MYT1L: variants seen among roughly 807,000 people sequenced by gnomAD.
The protein encoded by MYT1L is myelin transcription factor 1-like protein.
MYT1L carries 12 observed loss-of-function variants against 126.7 expected under a neutral mutation model. The observed-to-expected ratio is 0.09, with a 90% CI of 0.06 to 0.15. The LOEUF (loss-of-function observed/expected upper bound fraction) is 0.15, where lower values mean the gene tolerates loss of function less well. Among genes scored for constraint, MYT1L ranks in the 10% least tolerant of loss-of-function variants. The pLI is 1.00. For synonymous variants in MYT1L, 541 were observed against 604.2 expected (o/e 0.90, Z 1.53); for missense variants, 979 against 1,585.2 (o/e 0.62, Z 6.49).
chr2:1,989,993 G>A (rs767185904), intron 5 of MYT1L, among the ~76,000 whole-genome samples: 9 of 152,074 alleles, frequency 5.9e-5, no homozygotes, highest in South Asian at 4.1e-4. Flanking sequence ...GTGAAACTCC[G>A]TCTCAAAAAA....
At chr2:1,853,477 C>A (rs2043533052) in intron 18 of MYT1L, among the ~76,000 whole-genome samples, 1 of 152,234 alleles carries the variant, frequency 6.6e-6, no homozygotes, top group African/African-American at 2.4e-5. Context: ...AATGACTGAA[C>A]TTAACTAGCT....
chr2:2,100,293 C>A (rs1237512716), intron 3 of MYT1L, among the ~76,000 whole-genome samples: 1 of 152,068 alleles, frequency 6.6e-6, no homozygotes, highest in Non-Finnish European at 1.5e-5. Context: ...GATATAATCA[C>A]CCTTGGCTCT....
chr2:2,309,765 C>T lies in MYT1L; in HGVS notation c.-521+21202G>A, dbSNP rs1048834998. The stretch of plus-strand genomic sequence containing the variant: ...TACATACAACTTCAGTATGCTCTGT[C>T]TATACTCCACCTACACTTTAGTATA... On this transcript the variant is annotated intron_variant, in intron 1 of 24. Transcript: ENST00000647738. Among the ~76,000 whole-genome samples, 8 of 151,926 alleles carry T rather than the reference C, an allele frequency of 5.3e-5. No individual in the cohort carries two copies. The East Asian group carries it at 1.2e-3, about 22-fold the overall frequency.
intron 8 of MYT1L, among the ~76,000 whole-genome samples, chr2:1,946,347 A>G (rs1009626379): frequency 5.2e-4 from 79 of 152,234 alleles, no homozygotes; most frequent in Admixed American, 5.2e-3. Context: ...CAAAAAATAT[A>G]ATGCACTTGA....
At chr2:2,151,414 AC>A (rs1434506296) in intron 3 of MYT1L, among the ~76,000 whole-genome samples, 2 of 152,156 alleles carry the variant, frequency 1.3e-5, no homozygotes, top group Non-Finnish European at 2.9e-5. Context: ...CACCGAGAGT[AC>A]TTTCAGGACT....
chr2:2,027,484 T>A (rs2065768746), intron 4 of MYT1L, among the ~76,000 whole-genome samples: 2 of 152,206 alleles, frequency 1.3e-5, no homozygotes, highest in Admixed American at 1.3e-4. Context: ...GGGGATGATG[T>A]ACTGACCGGA....
chr2:1,810,236 C>T (rs2036387017), intron 21 of MYT1L: 1 of 151,788 alleles, frequency 6.6e-6, no homozygotes, highest in Admixed American at 6.6e-5. Flanking sequence ...CAGTGATTCT[C>T]CCGCCTCAGC....
intron 2 of MYT1L, among the ~76,000 whole-genome samples, chr2:2,271,468 T>G (rs1039732806): frequency 6.6e-6 from 1 of 152,216 alleles, no homozygotes; most frequent in African/African-American, 2.4e-5. Flanking sequence ...TCAGTTTGTC[T>G]TTAAATGCAG....
chr2:1,792,194 G>C (rs531865082), intron 24 of MYT1L, 127 bp downstream of exon 24: 15 of 1,322,392 alleles, frequency 1.1e-5, no homozygotes, highest in South Asian at 1.5e-5. Context: ...GTATGGTTTC[G>C]GGGTGGTAAC....
intron 2 of MYT1L, among the ~76,000 whole-genome samples, chr2:2,263,506 T>C (rs1248947405): frequency 6.6e-6 from 1 of 152,170 alleles, no homozygotes; most frequent in African/African-American, 2.4e-5. Flanking sequence ...AAAGGCCTTT[T>C]GCACACAGAT....
chr2:1,792,626 T>C (rs1318392489), intron 23 of MYT1L, among the ~76,000 whole-genome samples, 162 bp from the exon 24 acceptor site: 1 of 152,074 alleles, frequency 6.6e-6, no homozygotes, highest in East Asian at 1.9e-4. Flanking sequence ...TCCCAGCATT[T>C]TGGGAGGCCA....
In MYT1L at chr2:1,922,519, G is replaced by A; in HGVS notation, c.1250C>T (p.Ser417Leu). The A allele has an allele frequency of 6.2e-7, 1 of 1,613,888 alleles. No individual in the cohort carries two copies. The highest frequency in any genetic ancestry group is 8.5e-7 in the Non-Finnish European group (1 of 1,179,888). ...GTCGAACACCTCTTCAGACCTGTCC[G>A]AGTTCACAGAGGTGGTATCGTCGTC... ...ERDDDTTSVN[S>L]DRSEEVFDMT... Residue 417 changes from serine to leucine, a missense_variant, in exon 10 of 25, where the codon TCG becomes TTG. This residue lies in a region of MYT1L where 243 missense variants were observed against 363.9 expected (regional missense o/e 0.67). Transcript: ENST00000647738. The surrounding 1 kb of genome is among the most constrained non-coding windows in gnomAD (Gnocchi z 7.4).
intron 5 of MYT1L, among the ~76,000 whole-genome samples, chr2:1,981,120 T>C (rs1487820101): frequency 3.3e-5 from 5 of 152,156 alleles, no homozygotes; most frequent in Admixed American, 6.5e-5. Flanking sequence ...AGGTACAGTA[T>C]GAAAGGCATC....
intron 3 of MYT1L, among the ~76,000 whole-genome samples, chr2:2,152,542 G>A (rs2085979267): frequency 6.6e-6 from 1 of 152,164 alleles, no homozygotes. Flanking sequence ...GGCTGCAGGA[G>A]ACGATTACAT....
chr2:2,106,479 G>T (rs1281008928), intron 3 of MYT1L, among the ~76,000 whole-genome samples: 1 of 152,148 alleles, frequency 6.6e-6, no homozygotes, highest in East Asian at 1.9e-4. Flanking sequence ...TTAGCCAGGT[G>T]TGGTGGCGCA....
chr2:2,324,901 C>T (rs1401287967), intron 1 of MYT1L: 1 of 152,258 alleles, frequency 6.6e-6, no homozygotes. Context: ...TAATTTCTAA[C>T]CTTCCTGTGT....
intron 3 of MYT1L, among the ~76,000 whole-genome samples, chr2:2,124,091 T>C (rs948972079): frequency 2.0e-5 from 3 of 152,150 alleles, no homozygotes; most frequent in Admixed American, 1.3e-4. Flanking sequence ...ATACAGAGAC[T>C]TTTCCTAAGA....
chr2:2,284,165 A>C (rs987806347), intron 2 of MYT1L, among the ~76,000 whole-genome samples: 1 of 152,242 alleles, frequency 6.6e-6, no homozygotes, highest in African/African-American at 2.4e-5. Context: ...TGCTTTCATC[A>C]GTATAAAGAT....
At chr2:2,015,615 A>G (rs1156683666) in intron 4 of MYT1L, among the ~76,000 whole-genome samples, 3 of 152,210 alleles carry the variant, frequency 2.0e-5, no homozygotes, top group African/African-American at 7.2e-5. Flanking sequence ...CAAGAGACTC[A>G]TAGCTGCTCT....
Sources: allele counts gnomAD v4.1 joint callset (sites outside exome capture counted in the v4.1 genomes callset), GRCh38; gene constraint gnomAD v4.1.1; regional missense constraint gnomAD v4.1.1; non-coding constraint Gnocchi (gnomAD v3.1); transcripts MANE v1.5; gene names NCBI Gene and HGNC (gene_info 2026-07-23, HGNC 2026-07-21).